The following KLF7 variants were observed in gnomAD, a reference collection of about 807,000 sequenced individuals.
The protein encoded by KLF7 is KLF transcription factor 7.
Under a neutral mutation model 27.3 loss-of-function variants are expected in KLF7, and 2 were observed. The ratio of observed to expected loss-of-function variants is 0.07; its 90% CI spans 0.03 to 0.23. The LOEUF (loss-of-function observed/expected upper bound fraction) is 0.23, where lower values mean the gene tolerates loss of function less well. KLF7 is among the 10% of genes least tolerant of loss of function. The pLI is 1.00. For synonymous variants in KLF7, 165 were observed against 162.4 expected, an observed-to-expected ratio of 1.02 and a Z score of -0.12; for missense variants, 221 against 394.1, an observed-to-expected ratio of 0.56 and a Z score of 3.72.
At chr2:207,128,730 C>T (rs1462331986) in intron 1 of KLF7, among the ~76,000 whole-genome samples, 2 of 152,120 alleles carry the variant, frequency 1.3e-5, no homozygotes, top group African/African-American at 4.8e-5. Context: ...AAATGGTTAA[C>T]CTCAATCTAA....
chr2:207,085,283 A>G (rs1476481145), intron 3 of KLF7, among the ~76,000 whole-genome samples: 1 of 151,582 alleles, frequency 6.6e-6, no homozygotes, highest in Non-Finnish European at 1.5e-5. Flanking sequence ...CTTACCACTT[A>G]TAAGTGGGCT....
intron 1 of KLF7, 55 bp from the exon 2 acceptor site, chr2:207,124,459 G>A (rs2077426249): frequency 6.7e-7 from 1 of 1,489,308 alleles, no homozygotes; most frequent in African/African-American, 1.4e-5. Context: ...AGAACACCAT[G>A]AGGCCACACG....
At chr2:207,094,078 A>G (rs1310561918) in intron 2 of KLF7, among the ~76,000 whole-genome samples, 2 of 152,234 alleles carry the variant, frequency 1.3e-5, no homozygotes, top group African/African-American at 4.8e-5. Flanking sequence ...TGTAATGTTT[A>G]TCTCTGAAGA....
chr2:207,102,945 T>G (rs1311623740), intron 2 of KLF7, among the ~76,000 whole-genome samples: 3 of 152,186 alleles, frequency 2.0e-5, no homozygotes, highest in Non-Finnish European at 4.4e-5. Context: ...TTATTTATTT[T>G]TGAGACAGAG....
At chr2:207,172,537 G>T in the KLF7 span, among the ~76,000 whole-genome samples, 1 of 152,066 alleles carries the variant, frequency 6.6e-6, no homozygotes, top group African/African-American at 2.4e-5. Context: ...TGATAAGGGA[G>T]GAAAAGTTAT....
At chr2:207,093,254 TA>T (rs2076551693) in intron 2 of KLF7, among the ~76,000 whole-genome samples, 1 of 152,194 alleles carries the variant, frequency 6.6e-6, no homozygotes, top group Non-Finnish European at 1.5e-5. Context: ...AATTAAAGTG[TA>T]AAAGTTCCAA....
chr2:207,089,781 A>G (rs2076469440), intron 2 of KLF7, among the ~76,000 whole-genome samples: 1 of 152,184 alleles, frequency 6.6e-6, no homozygotes, highest in Admixed American at 6.5e-5. Context: ...ACACATGCAT[A>G]TTATATATTA....
chr2:207,152,448 T>G (rs73985503), intron 1 of KLF7, among the ~76,000 whole-genome samples: 4,012 of 152,260 alleles, frequency 0.026, 176 homozygotes, highest in African/African-American at 0.09. Context: ...TACTCCCACT[T>G]AGACCAAGAG....
At chr2:207,167,211 A>C (rs1226465726), upstream of KLF7, 1 of 1,319,788 alleles carries the variant, frequency 7.6e-7, no homozygotes, top group Non-Finnish European at 9.8e-7. Context: ...CGTTTTCTGG[A>C]GTTGGGATGT....
intron 1 of KLF7, among the ~76,000 whole-genome samples, chr2:207,154,384 G>A (rs949217070): frequency 2.6e-5 from 4 of 152,174 alleles, no homozygotes; most frequent in African/African-American, 9.7e-5. Flanking sequence ...GGAAGAGATT[G>A]GACATTTGCA....
Position 207,124,114 on chromosome 2 carries a change from G to A in KLF7, c.393C>T (p.Asn131=), listed in dbSNP as rs200699335. The stretch of plus-strand genomic sequence containing the variant: ...ATGGGGGCGTTAATGAGGTCACTGC[G>A]TTGAGCTGGGCCTGGTTGACGGCTG... ...SYTAVNQAQL[N]AVTSLTPPSS... is the part of the protein sequence containing the mutation. The change falls in exon 2 of 4, where the codon AAC becomes AAT. Residue 131 remains asparagine (N), a synonymous_variant. Transcript: ENST00000309446. 6.3e-5 allele frequency: 101 copies of A among 1,614,068 alleles called. No homozygotes were observed. The highest frequency in any genetic ancestry group is 7.4e-5 in the Non-Finnish European group (87 of 1,180,036).
At chr2:207,150,033 T>C (rs907021031) in intron 1 of KLF7, among the ~76,000 whole-genome samples, 1 of 152,046 alleles carries the variant, frequency 6.6e-6, no homozygotes, top group African/African-American at 2.4e-5. Flanking sequence ...AAGCAAATAG[T>C]CCCCAGAATT....
chr2:207,117,854 A>C (rs1252594435), intron 2 of KLF7, among the ~76,000 whole-genome samples: 1 of 152,156 alleles, frequency 6.6e-6, no homozygotes, highest in Non-Finnish European at 1.5e-5. Flanking sequence ...GCTGCCTCTG[A>C]CTGCTGCTGC....
At chr2:207,162,798 T>C (rs998614364) in intron 1 of KLF7, among the ~76,000 whole-genome samples, 1 of 152,192 alleles carries the variant, frequency 6.6e-6, no homozygotes, top group African/African-American at 2.4e-5. Flanking sequence ...AGAAACCAAG[T>C]CAGATTATCA....
At chr2:207,097,176 G>C (rs1407201960) in intron 2 of KLF7, among the ~76,000 whole-genome samples, 2 of 152,084 alleles carry the variant, frequency 1.3e-5, no homozygotes, top group African/African-American at 4.8e-5. Context: ...TTCTGGCTCT[G>C]CCACATAATA....
chr2:207,082,912 GC>G (rs747478751), intron 3 of KLF7, among the ~76,000 whole-genome samples: 5 of 152,132 alleles, frequency 3.3e-5, no homozygotes, highest in Admixed American at 1.3e-4. Flanking sequence ...CCTTAAATAG[GC>G]ACATGTGTAG....
chr2:207,120,701 C>T (rs994671111), intron 2 of KLF7, among the ~76,000 whole-genome samples: 2 of 152,230 alleles, frequency 1.3e-5, no homozygotes, highest in African/African-American at 2.4e-5. Flanking sequence ...GTCAGCAGCT[C>T]TCCCAACTCC....
intron 2 of KLF7, among the ~76,000 whole-genome samples, chr2:207,102,621 A>G (rs1449125216): frequency 1.3e-5 from 2 of 152,222 alleles, no homozygotes; most frequent in African/African-American, 4.8e-5. Context: ...ACAATGTACT[A>G]GGATGTTACC....
upstream of KLF7, chr2:207,166,345 T>C (rs1158100732): frequency 1.3e-5 from 3 of 233,700 alleles, no homozygotes; most frequent in African/African-American, 2.3e-5. Flanking sequence ...GAGCTATTTT[T>C]AGAGGGCTAT....
Sources: allele counts gnomAD v4.1 joint callset (sites outside exome capture counted in the v4.1 genomes callset), GRCh38; gene constraint gnomAD v4.1.1; transcripts MANE v1.5; gene names NCBI Gene and HGNC (gene_info 2026-07-23, HGNC 2026-07-21).